The following ADAP2 variants were observed in gnomAD, a reference collection of about 807,000 sequenced individuals.
The protein encoded by ADAP2 is arf-GAP with dual PH domain-containing protein 2.
ADAP2 carries 42 observed loss-of-function variants against 54.9 expected under a neutral mutation model. That is an observed-to-expected ratio of 0.77 (90% CI 0.60 to 0.99). The LOEUF is 0.99. Among genes scored for constraint, ADAP2 ranks in the 50% least tolerant of loss-of-function variants. The pLI, the probability that ADAP2 is intolerant of heterozygous loss-of-function variation, is 0.00. For missense variants in ADAP2, 429 were observed against 480.4 expected, an observed-to-expected ratio of 0.89 and a Z score of 1.00; for synonymous variants, 177 against 180.1, an observed-to-expected ratio of 0.98 and a Z score of 0.14.
At chr17:30,954,607 G>A (rs774669803) in intron 9 of ADAP2, 52 bp downstream of exon 9, 15 of 1,477,826 alleles carry the variant, frequency 1.0e-5, no homozygotes, top group Middle Eastern at 1.7e-4. Context: ...ATTGCTGGGT[G>A]GTGCTTGTCT....
chr17:30,923,595 G>T (rs763184791), intron 2 of ADAP2, among the ~76,000 whole-genome samples: 6 of 151,624 alleles, frequency 4.0e-5, no homozygotes, highest in Non-Finnish European at 8.8e-5. Context: ...TATAAGCTGG[G>T]AGGCCCTGAG....
intron 5 of ADAP2, among the ~76,000 whole-genome samples, chr17:30,942,874 CTG>C (rs1271524246): frequency 6.6e-6 from 1 of 152,142 alleles, no homozygotes; most frequent in African/African-American, 2.4e-5. Context: ...GTCAGAATGA[CTG>C]TTATCAAAAA....
chr17:30,956,593 T>C lies in ADAP2; in HGVS notation c.1111+124T>C, dbSNP rs903047822. On this transcript the variant is annotated intron_variant, in intron 10 of 10. Coordinates refer to ENST00000330889, the MANE Select transcript of ADAP2 (RefSeq NM_018404.3). ...TGATTCCTGACTATGCTCTTTTCAT[T>C]GTCTTCTCTTCCTGCAAAAGAAAAG... The C allele has an allele frequency of 1.3e-5, 12 of 896,430 alleles. No individual in the cohort carries two copies. The African/African-American group carries it at 2.0e-4, about 15-fold the overall frequency. The allele number at this position is 896,430 out of a possible 1,614,324, so 55.5% of individuals were successfully genotyped here.
chr17:30,945,868 A>T (rs1263391089), intron 6 of ADAP2, among the ~76,000 whole-genome samples: 1 of 147,550 alleles, frequency 6.8e-6, no homozygotes, highest in African/African-American at 2.6e-5. Flanking sequence ...AAAAAAAAAG[A>T]AGAGGCCGGG....
At chr17:30,944,641 G>T (rs957985757) in intron 5 of ADAP2, among the ~76,000 whole-genome samples, 1 of 152,072 alleles carries the variant, frequency 6.6e-6, no homozygotes, top group Non-Finnish European at 1.5e-5. Context: ...TGTATTTTTA[G>T]TAGAGACGGG....
intron 5 of ADAP2, among the ~76,000 whole-genome samples, chr17:30,935,504 T>C (rs1911807041): frequency 6.6e-6 from 1 of 152,118 alleles, no homozygotes; most frequent in African/African-American, 2.4e-5. Context: ...ACTGAACAAA[T>C]GTGAGCACTG....
intron 2 of ADAP2, 65 bp downstream of exon 2, chr17:30,923,135 G>T: frequency 6.3e-7 from 1 of 1,586,842 alleles, no homozygotes; most frequent in Non-Finnish European, 8.6e-7. Flanking sequence ...GCGGGCAGGG[G>T]GCTCCCATTC....
intron 7 of ADAP2, among the ~76,000 whole-genome samples, chr17:30,952,616 T>A (rs1904756307): frequency 6.6e-6 from 1 of 152,174 alleles, no homozygotes; most frequent in Admixed American, 6.5e-5. Flanking sequence ...CCTCAAGTGA[T>A]CTGCCTGCCT....
intron 5 of ADAP2, among the ~76,000 whole-genome samples, chr17:30,937,160 G>A (rs751947648): frequency 9.9e-5 from 15 of 151,668 alleles, no homozygotes; most frequent in Admixed American, 2.6e-4. Context: ...TTCCGACCTC[G>A]TGATCCACCC....
chr17:30,945,189 C>A, intron 6 of ADAP2, 136 bp downstream of exon 6: 2 of 1,014,530 alleles, frequency 2.0e-6, no homozygotes, highest in Middle Eastern at 3.2e-4. Flanking sequence ...TTGCCTTAAT[C>A]TATCATTGCC....
chr17:30,954,345 G>T, intron 8 of ADAP2, 133 bp from the exon 9 acceptor site: 1 of 738,612 alleles, frequency 1.4e-6, no homozygotes. Flanking sequence ...GCACTAGGAT[G>T]TCTGACTGAG....
chr17:30,954,512 T>C lies in ADAP2; in HGVS notation c.839T>C (p.Leu280Pro). ...KEPFKKRWFA[L>P]DCHERRLLYY... is the part of the protein sequence containing the mutation. ...CCTTTCAAGAAAAGGTGGTTCGCCC[T>C]GGATTGCCATGAGCGGAGGCTGCTC... Residue 280 changes from leucine (L) to proline (P), a missense_variant, in exon 9 of 11, where the codon CTG (leucine) becomes CCG (proline). Transcript: ENST00000330889. 1 of 1,614,176 alleles carries C rather than the reference T, an allele frequency of 6.2e-7. No individual in the cohort carries two copies. Among genetic ancestry groups the C allele is most frequent in the Non-Finnish European group, 8.5e-7 (1 of 1,180,016 alleles).
rs753119767 is a variant in ADAP2, at chr17:30,927,179, G to A, written c.317+261G>A. Among the ~76,000 whole-genome samples, 4 of 151,994 alleles carry A rather than the reference G, an allele frequency of 2.6e-5. No individual in the cohort carries two copies. In the South Asian group the frequency reaches 8.3e-4, roughly 32 times the overall value. Reference sequence around the variant, plus strand: ...CAGCTCTTAAATGGAGGATTTTTCTGTATGATCTCTATGATTTTTCTCTAT... The same window carrying A: ...CAGCTCTTAAATGGAGGATTTTTCTATATGATCTCTATGATTTTTCTCTAT... On this transcript the variant is annotated intron_variant, in intron 3 of 10. Coordinates refer to ENST00000330889, the MANE Select transcript of ADAP2 (RefSeq NM_018404.3).
chr17:30,944,914 G>T lies in ADAP2; in HGVS notation c.518G>T (p.Ser173Ile), dbSNP rs368563486. Residue 173 changes from serine (S) to isoleucine (I), a missense_variant, in exon 6 of 11, where the codon AGC (serine) becomes ATC (isoleucine). Physicochemically the swap from Ser to Ile is moderately radical, Grantham distance 142. Coordinates refer to ENST00000330889, the MANE Select transcript of ADAP2 (RefSeq NM_018404.3). ...LKYFTKEQGK[S>I]PKAVISIKDL... Reference sequence around the variant, plus strand: ...TCTCTTTCTCTCTTTCAGGGTAAAAGCCCCAAAGCTGTCATCAGCATTAAG... The same window carrying T: ...TCTCTTTCTCTCTTTCAGGGTAAAATCCCCAAAGCTGTCATCAGCATTAAG... The T allele has an allele frequency of 3.0e-5, 48 of 1,613,738 alleles. No homozygotes were observed. The African/African-American group carries it at 5.3e-4, about 18-fold the overall frequency.
At chr17:30,925,567 C>CTTT (rs1910986965) in intron 2 of ADAP2, among the ~76,000 whole-genome samples, 1 of 147,922 alleles carries the variant, frequency 6.8e-6, no homozygotes, top group African/African-American at 2.5e-5. Flanking sequence ...TCTTCTTCTT[C>CTTT]TCTTTTCTTT....
chr17:30,945,864 A>AG (rs1348300385), intron 6 of ADAP2, among the ~76,000 whole-genome samples: 1 of 150,870 alleles, frequency 6.6e-6, no homozygotes, highest in African/African-American at 2.4e-5. Context: ...AAAAAAAAAA[A>AG]AAGAAGAGGC....
At chr17:30,926,311 G>T (rs1413229006) in intron 2 of ADAP2, among the ~76,000 whole-genome samples, 1 of 152,192 alleles carries the variant, frequency 6.6e-6, no homozygotes, top group African/African-American at 2.4e-5. Context: ...GGGTGCCAAA[G>T]GGCCCTACTA....
intron 2 of ADAP2, among the ~76,000 whole-genome samples, chr17:30,924,082 G>C (rs1382246495): frequency 6.6e-6 from 1 of 152,130 alleles, no homozygotes; most frequent in Non-Finnish European, 1.5e-5. Context: ...TCAGTTAACA[G>C]TTGCTGTTGT....
At chr17:30,938,395 G>A (rs1436773879) in intron 5 of ADAP2, among the ~76,000 whole-genome samples, 2 of 152,200 alleles carry the variant, frequency 1.3e-5, no homozygotes, top group African/African-American at 2.4e-5. Context: ...ACCTCTGGAA[G>A]GCTAACCAGG....
Sources: gnomAD v4.1 joint callset for allele counts (sites outside exome capture counted in the v4.1 genomes callset) on GRCh38, gnomAD v4.1.1 for gene constraint, MANE v1.5 for transcripts, NCBI Gene and HGNC (gene_info 2026-07-23, HGNC 2026-07-21) for gene names.